The following PLCH1 variants were observed in gnomAD, a reference collection of about 807,000 sequenced individuals.
The protein encoded by PLCH1 is 1-phosphatidylinositol 4,5-bisphosphate phosphodiesterase eta-1.
In PLCH1, 60 loss-of-function variants were observed where a neutral mutation model predicts 126.7. That is an observed-to-expected ratio of 0.47 (90% CI 0.38 to 0.59). The LOEUF (loss-of-function observed/expected upper bound fraction) is 0.59. PLCH1 is among the 20% of genes least tolerant of loss of function. PLCH1 has a pLI of 0.00. For missense variants in PLCH1, 1,723 were observed against 2,040.0 expected (o/e 0.84, Z 2.99); for synonymous variants, 719 against 734.9 (o/e 0.98, Z 0.35).
intron 8 of PLCH1, among the ~76,000 whole-genome samples, chr3:155,559,133 A>G (rs574556649): frequency 1.3e-5 from 2 of 152,300 alleles, no homozygotes; most frequent in South Asian, 4.2e-4. Context: ...CCAAAAACAC[A>G]CAGACTTTCT....
At chr3:155,731,735 C>T (rs1378721653) in intron 1 of PLCH1, among the ~76,000 whole-genome samples, 2 of 152,154 alleles carry the variant, frequency 1.3e-5, no homozygotes, top group African/African-American at 2.4e-5. Context: ...GTAATCCTAG[C>T]ACTTTAGAAA....
At chr3:155,645,475 T>C (rs983934012) in intron 2 of PLCH1, among the ~76,000 whole-genome samples, 1 of 152,108 alleles carries the variant, frequency 6.6e-6, no homozygotes, top group Non-Finnish European at 1.5e-5. Flanking sequence ...TTATTTGTTG[T>C]TGCTTTTTGG....
chr3:155,641,941 G>A (rs1739446798), intron 2 of PLCH1, among the ~76,000 whole-genome samples: 1 of 152,084 alleles, frequency 6.6e-6, no homozygotes, highest in Non-Finnish European at 1.5e-5. Flanking sequence ...TTCACCAGCT[G>A]CAGAAGGTTG....
intron 21 of PLCH1, among the ~76,000 whole-genome samples, chr3:155,467,952 G>A (rs1160385040): frequency 6.6e-6 from 1 of 152,138 alleles, no homozygotes; most frequent in Non-Finnish European, 1.5e-5. Flanking sequence ...GAAAAACACA[G>A]AGCATTATAA....
At chr3:155,476,342 A>G (rs1285030416), downstream of PLCH1, among the ~76,000 whole-genome samples, 1 of 152,098 alleles carries the variant, frequency 6.6e-6, no homozygotes, top group Non-Finnish European at 1.5e-5. Flanking sequence ...TATCATATTG[A>G]ATGGGGGAAA....
At chr3:155,629,182 C>A (rs1042651994) in intron 2 of PLCH1, among the ~76,000 whole-genome samples, 1 of 152,160 alleles carries the variant, frequency 6.6e-6, no homozygotes, top group Non-Finnish European at 1.5e-5. Flanking sequence ...TAGTTTCTTT[C>A]CATTTTTTCT....
intron 2 of PLCH1, chr3:155,657,782 G>T (rs1407087748): frequency 6.6e-6 from 1 of 152,146 alleles, no homozygotes; most frequent in East Asian, 1.9e-4. Flanking sequence ...AACTTTAAAA[G>T]GCTGGATACT....
chr3:155,472,309 A>G (rs1310282457), intron 21 of PLCH1, among the ~76,000 whole-genome samples: 3 of 152,242 alleles, frequency 2.0e-5, no homozygotes, highest in African/African-American at 7.2e-5. Context: ...ACTCTACACA[A>G]ATAAACTAGA....
In PLCH1 at chr3:155,696,291, G is replaced by A. The variant is rs147413435; in HGVS notation, c.79+7855C>T. 1.7e-3 allele frequency among the ~76,000 whole-genome samples: 253 copies of A among 152,270 alleles called. 2 individuals are homozygous for A. The highest frequency in any genetic ancestry group is 2.2e-3 in the Non-Finnish European group (153 of 68,024). On this transcript the variant is annotated intron_variant, in intron 2 of 22. Transcript: ENST00000460012. ...TCTCTATGGGGATGACTTCATCCAC[G>A]TGGTAAGAAGGGACAAACTGCAGTT...
In PLCH1 at chr3:155,481,725, A is replaced by C. The variant is rs1409718848; in HGVS notation, c.4301T>G (p.Phe1434Cys). The C allele has an allele frequency of 6.2e-7, 1 of 1,614,188 alleles. No homozygotes were observed. The highest frequency in any genetic ancestry group is 1.1e-5 in the South Asian group (1 of 91,082). Reference protein sequence around the residue: ...ISYLAYQGAGFVHNHFSDSDA... With the variant: ...ISYLAYQGAGCVHNHFSDSDA... ...TGAATCTGAGAAATGATTATGCACA[A>C]AGCCAGCACCCTGATAGGCTAGATA... The change falls in exon 23 of 23, where the codon TTT becomes TGT. Residue 1434 changes from phenylalanine (F) to cysteine (C), a missense_variant. Phe to Cys is a radical substitution (Grantham distance 205, BLOSUM62 -2). This residue lies in a region of PLCH1 where 947 missense variants were observed against 977.1 expected (regional missense o/e 0.97). Coordinates refer to ENST00000460012, the MANE Select transcript of PLCH1 (RefSeq NM_014996.4). The surrounding 1 kb of genome is among the most constrained non-coding windows in gnomAD (Gnocchi z 4.2).
intron 10 of PLCH1, among the ~76,000 whole-genome samples, chr3:155,526,562 C>G (rs1721978649): frequency 6.6e-6 from 1 of 151,124 alleles, no homozygotes; most frequent in Non-Finnish European, 1.5e-5. Context: ...TGGAGAGACC[C>G]ACATGGCAGG....
rs749939323 is a variant in PLCH1 at position 155,568,340 on chromosome 3, T to C, written c.772-16A>G. On this transcript the variant is annotated splice_polypyrimidine_tract_variant and intron_variant, in intron 6 of 22. Coordinates refer to ENST00000460012, the MANE Select transcript of PLCH1 (RefSeq NM_014996.4). The stretch of plus-strand genomic sequence containing the variant: ...CATTATTCATCTAAGAAAAACAGAA[T>C]ACTAGTAGAGTACCTGCAATTTCAT... 1.1e-5 allele frequency: 12 copies of C among 1,076,974 alleles called. No individual in the cohort carries two copies. In the Admixed American group the frequency reaches 1.3e-4, roughly 12 times the overall value. 66.7% of individuals were successfully genotyped at this position (1,076,974 alleles called of 1,614,324 possible).
chr3:155,633,777 G>A (rs1156518502), intron 2 of PLCH1, among the ~76,000 whole-genome samples: 10 of 152,064 alleles, frequency 6.6e-5, no homozygotes, highest in East Asian at 3.9e-4. Context: ...AAAATTAGCC[G>A]GGTATGGTGG....
chr3:155,501,856 C>A (rs1432269942), intron 13 of PLCH1, among the ~76,000 whole-genome samples: 1 of 152,084 alleles, frequency 6.6e-6, no homozygotes, highest in Non-Finnish European at 1.5e-5. Flanking sequence ...TTGCCGAAAA[C>A]CTTGCCATCG....
At chr3:155,710,758 G>A (rs148116514) in intron 1 of PLCH1, among the ~76,000 whole-genome samples, 3,729 of 151,622 alleles carry the variant, frequency 0.025, 136 homozygotes, top group African/African-American at 0.081. Flanking sequence ...GCTTGAACCC[G>A]GGAGGCAGAG....
At chr3:155,612,196 G>A (rs943928962) in intron 2 of PLCH1, among the ~76,000 whole-genome samples, 1 of 152,022 alleles carries the variant, frequency 6.6e-6, no homozygotes, top group African/African-American at 2.4e-5. Context: ...AGGCATAGTG[G>A]CAGGTGCCTG....
At chr3:155,554,019 C>A in intron 9 of PLCH1, 57 bp downstream of exon 9, 2 of 1,564,378 alleles carry the variant, frequency 1.3e-6, no homozygotes, top group South Asian at 2.3e-5. Context: ...TACGTTACAT[C>A]AGGCAATGCT....
chr3:155,729,539 C>G (rs946431789), intron 1 of PLCH1, among the ~76,000 whole-genome samples: 1 of 152,104 alleles, frequency 6.6e-6, no homozygotes, highest in Admixed American at 6.6e-5. Flanking sequence ...ACAGTAGATG[C>G]TCAAATCTCT....
chr3:155,741,583 TA>T (rs1159376740), intron 1 of PLCH1, among the ~76,000 whole-genome samples: 1 of 152,116 alleles, frequency 6.6e-6, no homozygotes, highest in Non-Finnish European at 1.5e-5. Flanking sequence ...TTCAAGAGTT[TA>T]AATTCACTAA....
Sources: gnomAD v4.1 joint callset for allele counts (sites outside exome capture counted in the v4.1 genomes callset) on GRCh38, gnomAD v4.1.1 for gene constraint, gnomAD v4.1.1 regional missense constraint, Gnocchi (gnomAD v3.1) non-coding constraint, MANE v1.5 for transcripts, NCBI Gene and HGNC (gene_info 2026-07-23, HGNC 2026-07-21) for gene names.